The following SH3RF1 variants were observed in gnomAD, a reference collection of about 807,000 sequenced individuals.
The protein encoded by SH3RF1 is E3 ubiquitin-protein ligase SH3RF1.
SH3RF1 carries 32 observed loss-of-function variants against 74.0 expected under a neutral mutation model. The ratio of observed to expected loss-of-function variants is 0.43; its 90% confidence interval spans 0.33 to 0.58. The LOEUF is 0.58. SH3RF1 is among the 20% of genes least tolerant of loss of function. SH3RF1 has a pLI of 0.05. For missense variants in SH3RF1, 954 were observed against 1,130.9 expected (o/e 0.84, Z 2.24); for synonymous variants, 396 against 439.6 (o/e 0.90, Z 1.24).
intron 2 of SH3RF1, chr4:169,217,292 G>A (rs1507169): frequency 0.96 from 145,761 of 152,310 alleles, 70,069 homozygotes; most frequent in East Asian, 1. Flanking sequence ...CTGACCCAGA[G>A]GTAAAGGCAA....
Position 169,133,398 on chromosome 4 carries a change from C to G in SH3RF1, c.1068+2920G>C, listed in dbSNP as rs547819820. 2.2e-4 allele frequency among the ~76,000 whole-genome samples: 33 copies of G among 151,634 alleles called. No individual in the cohort carries two copies. In the South Asian group the frequency reaches 3.1e-3, roughly 14 times the overall value. ...GCTGAGGCAGGAGAATTGCTTGAAC[C>G]TGGGAGGCGAAGGTTGCAGTGAGCC... On this transcript the variant is annotated intron_variant, in intron 5 of 11. Transcript: ENST00000284637.
At chr4:169,262,044 T>A (rs1364847605) in intron 2 of SH3RF1, among the ~76,000 whole-genome samples, 2 of 152,114 alleles carry the variant, frequency 1.3e-5, no homozygotes, top group African/African-American at 4.8e-5. Context: ...ATTAAATGAA[T>A]GGTACACATA....
chr4:169,227,337 T>C (rs1730667281), intron 2 of SH3RF1, among the ~76,000 whole-genome samples: 2 of 152,188 alleles, frequency 1.3e-5, no homozygotes, highest in South Asian at 4.1e-4. Flanking sequence ...AAACAACTAT[T>C]CTCTCTTATG....
At chr4:169,108,136 C>T (rs1255869833) in intron 10 of SH3RF1, among the ~76,000 whole-genome samples, 3 of 152,142 alleles carry the variant, frequency 2.0e-5, no homozygotes, top group Non-Finnish European at 4.4e-5. Flanking sequence ...TTAACATGAT[C>T]CTTTTAAATT....
intron 6 of SH3RF1, among the ~76,000 whole-genome samples, chr4:169,123,433 C>T (rs1733474543): frequency 6.6e-6 from 1 of 152,166 alleles, no homozygotes; most frequent in African/African-American, 2.4e-5. Context: ...AAAGATTTTT[C>T]CCACACTGTA....
At chr4:169,229,661 G>T (rs930092083) in intron 2 of SH3RF1, among the ~76,000 whole-genome samples, 2 of 152,036 alleles carry the variant, frequency 1.3e-5, no homozygotes, top group African/African-American at 4.8e-5. Flanking sequence ...AGTGAGAAGT[G>T]AATACTAATG....
intron 2 of SH3RF1, among the ~76,000 whole-genome samples, chr4:169,158,444 G>C (rs976664471): frequency 3.3e-5 from 5 of 152,222 alleles, no homozygotes; most frequent in Non-Finnish European, 5.9e-5. Context: ...GAACATAAAG[G>C]AGAGGTAGGC....
Position 169,117,812 on chromosome 4 carries a change from C to T in SH3RF1, c.1518-30G>A, listed in dbSNP as rs773439868. 9.5e-6 allele frequency: 15 copies of T among 1,586,288 alleles called. No individual in the cohort carries two copies. In the South Asian group the frequency reaches 1.4e-4, roughly 15 times the overall value. On this transcript the variant is annotated intron_variant, in intron 8 of 11. Coordinates refer to ENST00000284637, the MANE Select transcript of SH3RF1 (RefSeq NM_020870.4). ...CAAGACACAAACATAGATGGAAAGC[C>T]CAGTCCATCAGCAAAATGACAGAAA...
intron 4 of SH3RF1, among the ~76,000 whole-genome samples, chr4:169,142,507 C>T (rs939192512): frequency 2.6e-5 from 4 of 152,022 alleles, no homozygotes; most frequent in Admixed American, 6.6e-5. Flanking sequence ...TTTACATCTC[C>T]GTCTGTGAAC....
At chr4:169,239,332 G>GAA (rs1216949659) in intron 2 of SH3RF1, among the ~76,000 whole-genome samples, 1 of 148,088 alleles carries the variant, frequency 6.8e-6, no homozygotes, top group Non-Finnish European at 1.5e-5. Context: ...TGACACGCAG[G>GAA]AAAAAAAAAA....
At chr4:169,265,713 T>G (rs940211711) in intron 2 of SH3RF1, among the ~76,000 whole-genome samples, 1 of 152,128 alleles carries the variant, frequency 6.6e-6, no homozygotes, top group Non-Finnish European at 1.5e-5. Context: ...CCTCAAGTGA[T>G]CCACCCACCT....
At position 169,095,478 on chromosome 4, in the gene SH3RF1, C is replaced by T. The variant is rs895096894; in HGVS notation, c.*1041G>A. On this transcript the variant is annotated 3_prime_UTR_variant, in exon 12 of 12. Coordinates refer to ENST00000284637, the MANE Select transcript of SH3RF1 (RefSeq NM_020870.4). The stretch of plus-strand genomic sequence containing the variant: ...TGGGAATCCAGTAATACATGCAAGA[C>T]GTGGGGAAAGAATCACAATGGATGA... 4.6e-5 allele frequency: 7 copies of T among 152,602 alleles called. No homozygotes were observed. Among genetic ancestry groups the T allele is most frequent in the African/African-American group, 1.4e-4 (6 of 41,426 alleles). The allele number at this position is 152,602 out of a possible 1,614,324, so 9.5% of individuals were successfully genotyped here.
At chr4:169,247,919 T>C (rs1315736652) in intron 2 of SH3RF1, among the ~76,000 whole-genome samples, 1 of 151,960 alleles carries the variant, frequency 6.6e-6, no homozygotes, top group African/African-American at 2.4e-5. Context: ...ATTAGAGAAA[T>C]GCAAATCAAA....
chr4:169,166,344 G>GT (rs1162116130), intron 2 of SH3RF1: 1 of 156,492 alleles, frequency 6.4e-6, no homozygotes, highest in African/African-American at 2.4e-5. Context: ...GATGCTGGTG[G>GT]TAAGGTGAAA....
rs200626375 is a variant in SH3RF1, at chr4:169,136,303, T to C, written c.1068+15A>G. On this transcript the variant is annotated intron_variant, in intron 5 of 11. Coordinates refer to ENST00000284637, the MANE Select transcript of SH3RF1 (RefSeq NM_020870.4). Reference sequence around the variant, plus strand: ...GGGTGAGCTCTTTTTATATAACACTTGTTTGAGGATTTACCTGAGAAGGGG... The same window carrying C: ...GGGTGAGCTCTTTTTATATAACACTCGTTTGAGGATTTACCTGAGAAGGGG... 7.0e-4 allele frequency: 984 copies of C among 1,403,416 alleles called. 2 individuals are homozygous for C. Among genetic ancestry groups the C allele is most frequent in the Non-Finnish European group, 8.8e-4 (947 of 1,070,954 alleles). 86.9% of individuals were successfully genotyped at this position (1,403,416 alleles called of 1,614,324 possible). A position where few individuals can be genotyped will look rare whatever the true frequency, so the allele number is the denominator to read the frequency against.
intron 2 of SH3RF1, among the ~76,000 whole-genome samples, chr4:169,197,486 C>G (rs1251706558): frequency 6.6e-6 from 1 of 151,704 alleles, no homozygotes; most frequent in Non-Finnish European, 1.5e-5. Flanking sequence ...ATTAGCCAGT[C>G]GTGGTGGTGC....
chr4:169,108,980 T>G lies in SH3RF1; in HGVS notation c.2140-1775A>C, dbSNP rs184426982. ...CCCAGATCCAGAGGCAATAAAGCCT[T>G]TCAATGAGCCTTTCAATAAAGCCTA... On this transcript the variant is annotated intron_variant, in intron 10 of 11. Transcript: ENST00000284637. Among the ~76,000 whole-genome samples, 256 of 152,366 alleles carry G rather than the reference T, an allele frequency of 1.7e-3. 2 individuals carry two copies. The highest frequency in any genetic ancestry group is 5.9e-3 in the African/African-American group (246 of 41,584).
At chr4:169,249,907 C>T (rs533684988) in intron 2 of SH3RF1, among the ~76,000 whole-genome samples, 26 of 152,218 alleles carry the variant, frequency 1.7e-4, no homozygotes, top group African/African-American at 6.3e-4. Flanking sequence ...TCATCAGGCT[C>T]CAGACACTCA....
chr4:169,183,472 G>A (rs1734548200), intron 2 of SH3RF1, among the ~76,000 whole-genome samples: 1 of 152,042 alleles, frequency 6.6e-6, no homozygotes, highest in Admixed American at 6.6e-5. Flanking sequence ...GTAGAGACAG[G>A]GTTTCACCAT....
Sources: gnomAD v4.1 joint callset for allele counts (sites outside exome capture counted in the v4.1 genomes callset) on GRCh38, gnomAD v4.1.1 for gene constraint, MANE v1.5 for transcripts, NCBI Gene and HGNC (gene_info 2026-07-23, HGNC 2026-07-21) for gene names.